NBAS: variants seen among roughly 807,000 people sequenced by gnomAD.
NBAS encodes NAG/BC035112 fusion.
A neutral mutation model predicts 302.5 loss-of-function variants in NBAS; 219 were observed. That is an observed-to-expected ratio of 0.72 (90% CI 0.65 to 0.81). The LOEUF (loss-of-function observed/expected upper bound fraction) is 0.81. Ranked by LOEUF, NBAS falls within the 30% of genes least tolerant of loss-of-function variation. The pLI is 0.00. For synonymous variants in NBAS, 1,118 were observed against 1,021.6 expected, an observed-to-expected ratio of 1.09 and a Z score of -1.80; for missense variants, 2,932 against 2,841.6, an observed-to-expected ratio of 1.03 and a Z score of -0.72.
At chr2:15,419,805 G>A (rs1399566633) in intron 23 of NBAS, among the ~76,000 whole-genome samples, 1 of 151,778 alleles carries the variant, frequency 6.6e-6, no homozygotes, top group Admixed American at 6.6e-5. Flanking sequence ...TCTGCCTCCT[G>A]GGTTCACACC....
At chr2:15,462,404 A>C (rs1284436585) in intron 19 of NBAS, among the ~76,000 whole-genome samples, 2 of 152,186 alleles carry the variant, frequency 1.3e-5, no homozygotes, top group Non-Finnish European at 2.9e-5. Flanking sequence ...AACATAAAAG[A>C]CAATGAAAAG....
the NBAS span, among the ~76,000 whole-genome samples, chr2:14,955,326 C>T: frequency 2.6e-5 from 4 of 152,246 alleles, no homozygotes; most frequent in African/African-American, 9.6e-5. Context: ...CACCTCCCAG[C>T]TGCTTTCATG....
chr2:14,847,322 G>A, the NBAS span, among the ~76,000 whole-genome samples: 1 of 141,066 alleles, frequency 7.1e-6, no homozygotes, highest in African/African-American at 2.7e-5. Flanking sequence ...GGCGGAGCTT[G>A]CAGTGAGCCA....
At chr2:15,113,214 A>G in the NBAS span, among the ~76,000 whole-genome samples, 3 of 152,026 alleles carry the variant, frequency 2.0e-5, no homozygotes, top group Non-Finnish European at 4.4e-5. Flanking sequence ...TGAGAACAAG[A>G]ATTTTCTGTG....
the NBAS span, among the ~76,000 whole-genome samples, chr2:14,839,686 G>A: frequency 1.3e-5 from 2 of 151,908 alleles, no homozygotes; most frequent in Non-Finnish European, 2.9e-5. Context: ...CTACAGCCAA[G>A]GCAAACCTGA....
chr2:15,315,549 A>T (rs1444549058), intron 38 of NBAS, among the ~76,000 whole-genome samples: 1 of 152,256 alleles, frequency 6.6e-6, no homozygotes, highest in Non-Finnish European at 1.5e-5. Flanking sequence ...ACTTCTGGAC[A>T]AGTTATATAT....
At chr2:14,926,523 C>A in the NBAS span, among the ~76,000 whole-genome samples, 1 of 151,984 alleles carries the variant, frequency 6.6e-6, no homozygotes, top group East Asian at 1.9e-4. Context: ...TATAATAGTT[C>A]CTGGTATGAA....
At chr2:15,263,386 A>T (rs552177818) in intron 44 of NBAS, among the ~76,000 whole-genome samples, 2 of 152,240 alleles carry the variant, frequency 1.3e-5, no homozygotes, top group South Asian at 4.1e-4. Context: ...GAGCCACTGC[A>T]CCCAGGCTAA....
At chr2:15,378,973 C>A (rs1446287102) in intron 30 of NBAS, among the ~76,000 whole-genome samples, 5 of 152,028 alleles carry the variant, frequency 3.3e-5, no homozygotes, top group Admixed American at 6.6e-5. Flanking sequence ...AAAAAAGCAA[C>A]CTTAAATCCT....
chr2:15,245,100 C>T (rs183805235), intron 44 of NBAS, among the ~76,000 whole-genome samples: 8 of 152,214 alleles, frequency 5.3e-5, no homozygotes, highest in African/African-American at 1.4e-4. Context: ...CCCAGCAGCA[C>T]GATGGTATCT....
At chr2:15,282,049 T>A (rs1209095311) in intron 42 of NBAS, among the ~76,000 whole-genome samples, 1 of 152,212 alleles carries the variant, frequency 6.6e-6, no homozygotes, top group Non-Finnish European at 1.5e-5. Flanking sequence ...TAGGGCTCAA[T>A]TTTAACAACT....
At chr2:15,499,181 A>G (rs113181078) in intron 11 of NBAS, among the ~76,000 whole-genome samples, 6 of 152,290 alleles carry the variant, frequency 3.9e-5, no homozygotes, top group African/African-American at 1.4e-4. Context: ...TGCCTGCCTC[A>G]GCCTCCCAAG....
At chr2:15,063,569 C>A in the NBAS span, among the ~76,000 whole-genome samples, 2 of 152,262 alleles carry the variant, frequency 1.3e-5, no homozygotes, top group East Asian at 3.9e-4. Flanking sequence ...CCCTAACCCC[C>A]AGCATACCTC....
intron 11 of NBAS, among the ~76,000 whole-genome samples, chr2:15,498,459 A>C (rs537464327): frequency 6.6e-6 from 1 of 152,328 alleles, no homozygotes; most frequent in East Asian, 1.9e-4. Flanking sequence ...TTGTGGAGAA[A>C]AAGGAACGCT....
the NBAS span, among the ~76,000 whole-genome samples, chr2:14,926,992 T>C: frequency 6.6e-6 from 1 of 152,206 alleles, no homozygotes; most frequent in South Asian, 2.1e-4. Context: ...GGAAAGCAGA[T>C]TGTCCTTCAT....
chr2:15,315,874 C>A (rs1267894973), intron 38 of NBAS, among the ~76,000 whole-genome samples: 1 of 152,124 alleles, frequency 6.6e-6, no homozygotes, highest in African/African-American at 2.4e-5. Context: ...CTCCACTCTA[C>A]CTCTGGGCAT....
chr2:15,428,224 C>T (rs1677576596), intron 21 of NBAS, among the ~76,000 whole-genome samples: 1 of 152,252 alleles, frequency 6.6e-6, no homozygotes, highest in Middle Eastern at 3.4e-3. Context: ...CAGTAACCAC[C>T]AGCTATGTAA....
chr2:15,100,867 G>A, the NBAS span, among the ~76,000 whole-genome samples: 3 of 152,098 alleles, frequency 2.0e-5, no homozygotes, highest in Admixed American at 6.5e-5. Flanking sequence ...ACACTTAAAC[G>A]GAATTCACTA....
At chr2:14,990,308 C>A in the NBAS span, among the ~76,000 whole-genome samples, 4 of 151,396 alleles carry the variant, frequency 2.6e-5, no homozygotes, top group East Asian at 5.8e-4. Context: ...CCTGTAGTCC[C>A]AGCTACTCGG....
Sources: gnomAD v4.1 joint callset for allele counts (sites outside exome capture counted in the v4.1 genomes callset) on GRCh38, gnomAD v4.1.1 for gene constraint, MANE v1.5 for transcripts, NCBI Gene and HGNC (gene_info 2026-07-23, HGNC 2026-07-21) for gene names.